NF2: variants seen among roughly 807,000 people sequenced by gnomAD.
The protein encoded by NF2 is merlin.
A neutral mutation model predicts 83.7 loss-of-function variants in NF2; 8 were observed. That is an observed-to-expected ratio of 0.10 (90% confidence interval 0.06 to 0.17). NF2 has a LOEUF of 0.17. NF2 is among the 10% of genes least tolerant of loss of function. The pLI is 1.00. For missense variants in NF2, 533 were observed against 744.4 expected (o/e 0.72, Z 3.31); for synonymous variants, 266 against 269.6 (o/e 0.99, Z 0.13).
Position 29,674,863 on chromosome 22 carries a change from G to T in NF2, c.1368G>T (p.Gln456His), listed in dbSNP as rs2147092419. The change falls in exon 13 of 16, where the codon CAG (glutamine) becomes CAT (histidine). Residue 456 changes from glutamine (Q) to histidine (H), a missense_variant. Gln to His is a conservative substitution (Grantham distance 24). Transcript: ENST00000338641. ...RRAKEADQLK[Q>H]DLQEAREAER... Reference sequence around the variant, plus strand: ...CCAAAGAGGCAGATCAGCTGAAGCAGGACCTGCAGGAAGCACGCGAGGCGG... The same window carrying T: ...CCAAAGAGGCAGATCAGCTGAAGCATGACCTGCAGGAAGCACGCGAGGCGG... 6.4e-7 allele frequency: 1 copy of T among 1,565,246 alleles called. No homozygotes were observed. The highest frequency in any genetic ancestry group is 8.7e-7 in the Non-Finnish European group (1 of 1,153,946).
intron 15 of NF2, among the ~76,000 whole-genome samples, chr22:29,684,689 G>A (rs1365550506): frequency 6.6e-6 from 1 of 152,124 alleles, no homozygotes; most frequent in Non-Finnish European, 1.5e-5. Flanking sequence ...CAGGCTACCA[G>A]GCAGTTAATC....
intron 1 of NF2, among the ~76,000 whole-genome samples, chr22:29,617,391 T>C (rs766107928): frequency 5.9e-5 from 9 of 152,192 alleles, no homozygotes; most frequent in Non-Finnish European, 1.0e-4. Flanking sequence ...GGATGATTCT[T>C]TGTTGTGGGG....
intron 9 of NF2, among the ~76,000 whole-genome samples, chr22:29,667,259 A>G: frequency 6.6e-6 from 1 of 151,710 alleles, no homozygotes; most frequent in Non-Finnish European, 1.5e-5. Context: ...AGATTTTGAG[A>G]TAGGGTCTCA....
At chr22:29,639,923 G>A (rs1243527082) in intron 3 of NF2, among the ~76,000 whole-genome samples, 2 of 142,548 alleles carry the variant, frequency 1.4e-5, no homozygotes, top group African/African-American at 5.2e-5. Context: ...TCAGCCGGGC[G>A]GGTTGGCTCA....
rs779748755 is a variant in NF2 at position 29,622,953 on chromosome 22, CT to C, written c.115-13776del. On this transcript the variant is annotated intron_variant, in intron 1 of 15. Transcript: ENST00000338641. Reference sequence around the variant, plus strand: ...ACAGGCGTGAACCACCGTGCCCGGCCTTTTTTTTTTTTTTTTTTTTTTCGAG... The same window carrying C: ...ACAGGCGTGAACCACCGTGCCCGGCCTTTTTTTTTTTTTTTTTTTTTCGAG... Among the ~76,000 whole-genome samples, 781 of 94,714 alleles carry C rather than the reference CT, an allele frequency of 8.2e-3. 1 individual carries two copies. The highest frequency in any genetic ancestry group is 0.028 in the African/African-American group (597 of 21,076). The allele number at this position is 94,714 out of a possible 152,430, so 62.1% of individuals were successfully genotyped here.
intron 1 of NF2, chr22:29,609,192 T>C (rs925227715): frequency 5.4e-6 from 4 of 740,956 alleles, no homozygotes; most frequent in Admixed American, 5.2e-5. Context: ...GGAACCTCAG[T>C]TCAGTATTTG....
At chr22:29,647,202 G>C (rs901895579) in intron 4 of NF2, among the ~76,000 whole-genome samples, 2 of 152,142 alleles carry the variant, frequency 1.3e-5, no homozygotes, top group African/African-American at 2.4e-5. Context: ...TATAATTTAT[G>C]AATCTCATGT....
rs770926547 is a variant in NF2 at position 29,681,048 on chromosome 22, CCTTTT to C, written c.1575-385_1575-381del. Reference sequence around the variant, plus strand: ...GCTTTTCTACTCTTTCTTTTTCTTTCCTTTTCTTTTTTTTTTTTTAAAAATAGAGA... The same window carrying C: ...GCTTTTCTACTCTTTCTTTTTCTTTCCTTTTTTTTTTTTTAAAAATAGAGA... On this transcript the variant is annotated intron_variant, in intron 14 of 15. Coordinates refer to ENST00000338641, the MANE Select transcript of NF2 (RefSeq NM_000268.4). Among the ~76,000 whole-genome samples, 7 of 150,518 alleles carry C rather than the reference CCTTTT, an allele frequency of 4.7e-5. No individual in the cohort carries two copies. In the East Asian group the frequency reaches 1.2e-3, roughly 25 times the overall value.
intron 10 of NF2, 124 bp downstream of exon 10, chr22:29,668,570 C>T (rs1160748361): frequency 9.7e-6 from 7 of 721,738 alleles, no homozygotes; most frequent in East Asian, 8.3e-5. Context: ...TTGTTTTATA[C>T]CTTTTGGATC....
At chr22:29,683,634 G>A in intron 15 of NF2, 1 of 1,089,262 alleles carries the variant, frequency 9.2e-7, no homozygotes, top group Non-Finnish European at 1.1e-6. Flanking sequence ...CAGAGCACAG[G>A]GTCTGATATG....
At chr22:29,686,172 G>C (rs1410548897) in intron 15 of NF2, among the ~76,000 whole-genome samples, 1 of 152,248 alleles carries the variant, frequency 6.6e-6, no homozygotes, top group African/African-American at 2.4e-5. Context: ...TCAGTGCACA[G>C]TCAGAGCTCA....
chr22:29,673,176 G>T, intron 11 of NF2, 93 bp from the exon 12 acceptor site: 1 of 1,369,950 alleles, frequency 7.3e-7, no homozygotes. Flanking sequence ...AGGAGTCCGA[G>T]ACTCTGGTTT....
chr22:29,617,172 G>A (rs1247377843), intron 1 of NF2, among the ~76,000 whole-genome samples: 3 of 152,090 alleles, frequency 2.0e-5, no homozygotes, highest in African/African-American at 7.2e-5. Context: ...CAGGTGATCC[G>A]CCCTCCTTGG....
chr22:29,685,796 G>C (rs1798405093), intron 15 of NF2, among the ~76,000 whole-genome samples: 1 of 152,136 alleles, frequency 6.6e-6, no homozygotes, highest in South Asian at 2.1e-4. Flanking sequence ...TACCCATGGG[G>C]GCTGTGTAAC....
intron 15 of NF2, among the ~76,000 whole-genome samples, chr22:29,690,034 G>A (rs2067365243): frequency 6.6e-6 from 1 of 152,246 alleles, no homozygotes; most frequent in Non-Finnish European, 1.5e-5. Context: ...CAGGAACGAT[G>A]CTGGCGGAGG....
At chr22:29,654,871 T>C in intron 5 of NF2, 146 bp downstream of exon 5, 1 of 725,088 alleles carries the variant, frequency 1.4e-6, no homozygotes, top group South Asian at 1.6e-5. Context: ...CAGTGTGGGA[T>C]CTCTGTTAAG....
At chr22:29,676,277 G>A (rs936887412) in intron 13 of NF2, among the ~76,000 whole-genome samples, 2 of 152,022 alleles carry the variant, frequency 1.3e-5, no homozygotes, top group Middle Eastern at 3.4e-3. Context: ...AGGCTCAAGC[G>A]ATCTTCCCGC....
At chr22:29,667,674 C>T (rs186965989) in intron 9 of NF2, among the ~76,000 whole-genome samples, 86 of 152,330 alleles carry the variant, frequency 5.6e-4, no homozygotes, top group Admixed American at 5.4e-3. Flanking sequence ...GTGTGAGCTA[C>T]TGCACCTAGC....
intron 7 of NF2, 117 bp from the exon 8 acceptor site, chr22:29,661,088 G>T (rs999727162): frequency 6.9e-7 from 1 of 1,458,536 alleles, no homozygotes. Flanking sequence ...TGTGACTTCT[G>T]TTGGGACCTG....
Sources: gnomAD v4.1 joint callset for allele counts (sites outside exome capture counted in the v4.1 genomes callset) on GRCh38, gnomAD v4.1.1 for gene constraint, MANE v1.5 for transcripts, NCBI Gene and HGNC (gene_info 2026-07-23, HGNC 2026-07-21) for gene names.